The following CDKL2 variants were observed in gnomAD, a reference collection of about 807,000 sequenced individuals.
The protein encoded by CDKL2 is cyclin dependent kinase like 2.
Under a neutral mutation model 63.9 loss-of-function variants are expected in CDKL2, and 64 were observed. The observed-to-expected ratio is 1.00, with a 90% confidence interval of 0.82 to 1.23. The LOEUF (loss-of-function observed/expected upper bound fraction) is 1.23, where lower values mean the gene tolerates loss of function less well. Ranked by LOEUF, CDKL2 falls within the 50% of genes most tolerant of loss-of-function variation. The pLI, the probability that CDKL2 is intolerant of heterozygous loss-of-function variation, is 0.00. For synonymous variants in CDKL2, 211 were observed against 229.2 expected (o/e 0.92, Z 0.72); for missense variants, 656 against 668.0 (o/e 0.98, Z 0.20).
In CDKL2 at chr4:75,619,373, G is replaced by A. The variant is rs1730060837; in HGVS notation, c.169-4924C>T. On this transcript the variant is annotated intron_variant, in intron 2 of 13. Coordinates refer to ENST00000307465, the MANE Select transcript of CDKL2 (RefSeq NM_001330724.2). ...AACCACCAGACACATAGTCCTCATT[G>A]GAAATGGCCCAGCAGCCACAAAAAT... Among the ~76,000 whole-genome samples, 3 of 152,004 alleles carry A rather than the reference G, an allele frequency of 2.0e-5. No individual in the cohort carries two copies. The South Asian group carries it at 6.2e-4, about 31-fold the overall frequency.
At chr4:75,607,413 G>T (rs1196211534) in intron 3 of CDKL2, 52 bp from the exon 4 acceptor site, 1 of 1,431,412 alleles carries the variant, frequency 7.0e-7, no homozygotes, top group Non-Finnish European at 9.7e-7. Flanking sequence ...ATTATTTTGG[G>T]GCACCTGCTA....
Position 75,597,069 on chromosome 4 carries a change from G to T in CDKL2, c.1188C>A (p.Asp396Glu). The T allele has an allele frequency of 6.2e-7, 1 of 1,614,198 alleles. No individual in the cohort carries two copies. The highest frequency in any genetic ancestry group is 8.5e-7 in the Non-Finnish European group (1 of 1,180,022). ...NKIVPSTSLK[D>E]CSNVSVDHTR... ...TGTGGTCCACGCTGACATTGCTGCA[G>T]TCTTTGAGGCTTGTTGAAGGCACTA... The change falls in exon 9 of 14, where the codon GAC becomes GAA. Residue 396 changes from aspartate to glutamate, a missense_variant. Transcript: ENST00000307465.
rs1219014907 is a variant in CDKL2, at chr4:75,605,530, A to G, written c.647T>C (p.Met216Thr). 2 of 1,588,664 alleles carry G rather than the reference A, an allele frequency of 1.3e-6. No homozygotes were observed. The highest frequency in any genetic ancestry group is 1.3e-5 in the African/African-American group (1 of 74,536). The change falls in exon 5 of 14, where the codon ATG becomes ACG. Residue 216 changes from methionine (M) to threonine (T), a missense_variant. Coordinates refer to ENST00000307465, the MANE Select transcript of CDKL2 (RefSeq NM_001330724.2). ...SDIDQLYHIM[M>T]CLGNLIPRHQ... is the part of the protein sequence containing the mutation. ...CAGATGTGTAACCTTACCTAAACACATCATAATATGATATAGCTGATCAAT... is the reference window on the plus strand; with the variant it reads ...CAGATGTGTAACCTTACCTAAACACGTCATAATATGATATAGCTGATCAAT...
intron 2 of CDKL2, among the ~76,000 whole-genome samples, chr4:75,619,939 T>C (rs1730086849): frequency 6.6e-6 from 1 of 152,138 alleles, no homozygotes; most frequent in African/African-American, 2.4e-5. Flanking sequence ...GATTCTAGCA[T>C]TTGGGTAGGT....
intron 12 of CDKL2, among the ~76,000 whole-genome samples, chr4:75,583,656 A>C (rs1728351708): frequency 1.1e-5 from 1 of 89,216 alleles, no homozygotes; most frequent in Non-Finnish European, 2.9e-5. Flanking sequence ...AAGCGGTGGA[A>C]GCCATGGTAG....
chr4:75,591,677 AAAC>A (rs1728720947), intron 12 of CDKL2, 139 bp downstream of exon 12: 1 of 574,162 alleles, frequency 1.7e-6, no homozygotes, highest in Non-Finnish European at 3.1e-6. Flanking sequence ...GCAATGAATC[AAAC>A]AACATTTGCA....
rs1459223675 is a variant in CDKL2 at position 75,630,262 on chromosome 4, G to A, written c.-250C>T. On this transcript the variant is annotated 5_prime_UTR_variant, in exon 1 of 14. Transcript: ENST00000307465. ...TCCGCCGCAAGCTCACACTTAGGAG[G>A]ACCACGGGCCGCATGCTGTCGTCGT... 2 of 152,728 alleles carry A rather than the reference G, an allele frequency of 1.3e-5. No individual in the cohort carries two copies. Among genetic ancestry groups the A allele is most frequent in the African/African-American group, 4.8e-5 (2 of 41,450 alleles). 9.5% of individuals were successfully genotyped at this position (152,728 alleles called of 1,614,324 possible).
Position 75,625,901 on chromosome 4 carries a change from C to T in CDKL2, c.88G>A (p.Val30Met). The change falls in exon 2 of 14, where the codon GTG (valine) becomes ATG (methionine). Residue 30 changes from valine (V) to methionine (M), a missense_variant. Coordinates refer to ENST00000307465, the MANE Select transcript of CDKL2 (RefSeq NM_001330724.2). Reference sequence around the variant, plus strand: ...CTTTCTAAGAACTTCTTTATGGCCACAATTCTTCCAGTATCTTTATTCCTA... The same window carrying T: ...CTTTCTAAGAACTTCTTTATGGCCATAATTCTTCCAGTATCTTTATTCCTA... ...KCRNKDTGRIVAIKKFLESDD... is the reference protein window; with the variant it reads ...KCRNKDTGRIMAIKKFLESDD... 1 of 1,613,070 alleles carries T rather than the reference C, an allele frequency of 6.2e-7. No homozygotes were observed. The highest frequency in any genetic ancestry group is 8.5e-7 in the Non-Finnish European group (1 of 1,179,364).
chr4:75,628,513 C>T (rs543316676), intron 1 of CDKL2, among the ~76,000 whole-genome samples: 20 of 152,292 alleles, frequency 1.3e-4, no homozygotes, highest in African/African-American at 4.8e-4. Context: ...GTCCAGCAAT[C>T]ATTGGACAAA....
rs1334937498 is a variant in CDKL2, at chr4:75,591,912, C to A, written c.1554G>T (p.Arg518Ser). ...GAATTTTGCTCTCTTTCTTTGTTAG[C>A]CTGGAATTTCGAGCTAGATAGAAAT... Reference protein sequence around the residue: ...RALGGIARNSRLTKKESKILS... With the variant: ...RALGGIARNSSLTKKESKILS... The change falls in exon 12 of 14, where the codon AGG becomes AGT. Residue 518 changes from arginine (R) to serine (S), a missense_variant. Coordinates refer to ENST00000307465, the MANE Select transcript of CDKL2 (RefSeq NM_001330724.2). 1 of 1,535,554 alleles carries A rather than the reference C, an allele frequency of 6.5e-7. No individual in the cohort carries two copies. The highest frequency in any genetic ancestry group is 8.7e-7 in the Non-Finnish European group (1 of 1,146,512).
chr4:75,615,709 T>C (rs1729899517), intron 2 of CDKL2, among the ~76,000 whole-genome samples: 1 of 152,222 alleles, frequency 6.6e-6, no homozygotes. Context: ...AGTGTATATA[T>C]ACACCAGGTG....
chr4:75,601,438 T>A (rs1303842836), intron 6 of CDKL2, among the ~76,000 whole-genome samples: 1 of 152,062 alleles, frequency 6.6e-6, no homozygotes, highest in Non-Finnish European at 1.5e-5. Flanking sequence ...ACAAGAAAAT[T>A]TCTCTGCATA....
intron 10 of CDKL2, among the ~76,000 whole-genome samples, chr4:75,593,439 T>G (rs1461772575): frequency 6.6e-6 from 1 of 152,066 alleles, no homozygotes; most frequent in East Asian, 1.9e-4. Flanking sequence ...CTGCTTGCAT[T>G]AATTTTCGTT....
intron 2 of CDKL2, among the ~76,000 whole-genome samples, chr4:75,622,715 C>CAAAAAAAAAA (rs1171964321): frequency 3.6e-4 from 5 of 13,958 alleles, no homozygotes; most frequent in African/African-American, 5.2e-4. Flanking sequence ...AAGACTCCAT[C>CAAAAAAAAAA]AAAAAAAAAA....
At chr4:75,598,932 T>C (rs944947245) in intron 7 of CDKL2, among the ~76,000 whole-genome samples, 3 of 152,148 alleles carry the variant, frequency 2.0e-5, no homozygotes, top group Admixed American at 6.5e-5. Context: ...ACAGAAATAA[T>C]TGTGTTAATG....
chr4:75,585,279 T>A (rs1161901250), intron 12 of CDKL2, among the ~76,000 whole-genome samples: 1 of 151,926 alleles, frequency 6.6e-6, no homozygotes. Flanking sequence ...TAATAGAGAT[T>A]TAAAATACAT....
intron 2 of CDKL2, among the ~76,000 whole-genome samples, chr4:75,623,223 G>T (rs1730248061): frequency 6.6e-6 from 1 of 152,154 alleles, no homozygotes; most frequent in South Asian, 2.1e-4. Flanking sequence ...AGATTGCAAT[G>T]AGTCAAGATC....
intron 3 of CDKL2, among the ~76,000 whole-genome samples, chr4:75,607,979 A>AT (rs1217127325): frequency 6.7e-6 from 1 of 149,692 alleles, no homozygotes; most frequent in Non-Finnish European, 1.5e-5. Flanking sequence ...CGCCCGGCTA[A>AT]TTTTTTGTAT....
At chr4:75,617,543 C>A (rs1229528283) in intron 2 of CDKL2, among the ~76,000 whole-genome samples, 2 of 152,102 alleles carry the variant, frequency 1.3e-5, no homozygotes, top group Non-Finnish European at 2.9e-5. Flanking sequence ...AAAAATGCCC[C>A]AAAACCCACA....
Sources: gnomAD v4.1 joint callset for allele counts (sites outside exome capture counted in the v4.1 genomes callset) on GRCh38, gnomAD v4.1.1 for gene constraint, MANE v1.5 for transcripts, NCBI Gene and HGNC (gene_info 2026-07-23, HGNC 2026-07-21) for gene names.